FUT8: variants seen among roughly 807,000 people sequenced by gnomAD.
FUT8 encodes fucosyltransferase 8.
Under a neutral mutation model 71.3 loss-of-function variants are expected in FUT8, and 29 were observed. The observed-to-expected ratio is 0.41, with a 90% CI of 0.30 to 0.55. The LOEUF (loss-of-function observed/expected upper bound fraction) is 0.55. FUT8 is among the 20% of genes least tolerant of loss of function. The pLI, the probability that FUT8 is intolerant of heterozygous loss-of-function variation, is 0.34. For synonymous variants in FUT8, 254 were observed against 239.3 expected, an observed-to-expected ratio of 1.06 and a Z score of -0.57; for missense variants, 544 against 702.1, an observed-to-expected ratio of 0.77 and a Z score of 2.55.
intron 7 of FUT8, among the ~76,000 whole-genome samples, chr14:65,681,896 A>G (rs963174749): frequency 1.3e-5 from 2 of 152,198 alleles, no homozygotes; most frequent in Non-Finnish European, 2.9e-5. Context: ...CTGACTTCAA[A>G]ACCTGACCTT....
chr14:65,436,869 A>G (rs1292297582), intron 1 of FUT8, among the ~76,000 whole-genome samples: 2 of 152,178 alleles, frequency 1.3e-5, no homozygotes, highest in African/African-American at 4.8e-5. Flanking sequence ...TTTGAGTACT[A>G]CCAAATGATG....
intron 2 of FUT8, among the ~76,000 whole-genome samples, chr14:65,468,941 G>C (rs559695257): frequency 2.6e-5 from 4 of 151,958 alleles, no homozygotes; most frequent in African/African-American, 9.7e-5. Flanking sequence ...AGGACTACAG[G>C]TGTGTGCCAC....
chr14:65,640,292 A>G (rs1890765831), intron 6 of FUT8, among the ~76,000 whole-genome samples: 1 of 152,084 alleles, frequency 6.6e-6, no homozygotes, highest in East Asian at 1.9e-4. Context: ...TCAAGTGAAA[A>G]AGCAGATGGT....
intron 5 of FUT8, among the ~76,000 whole-genome samples, chr14:65,626,116 T>C (rs1458249792): frequency 6.6e-6 from 1 of 152,108 alleles, no homozygotes; most frequent in East Asian, 1.9e-4. Context: ...CGTGTTACTG[T>C]TACCCACATC....
intron 2 of FUT8, among the ~76,000 whole-genome samples, chr14:65,494,582 G>A (rs1240909052): frequency 1.3e-5 from 2 of 152,058 alleles, no homozygotes; most frequent in Admixed American, 6.6e-5. Flanking sequence ...GAGGGGCAAC[G>A]TATTTTTTTA....
intron 7 of FUT8, among the ~76,000 whole-genome samples, chr14:65,690,786 G>A (rs978076617): frequency 4.0e-5 from 6 of 151,234 alleles, no homozygotes; most frequent in South Asian, 2.1e-4. Context: ...GTGTAGTGGC[G>A]TGATCTTGGC....
At position 65,617,155 on chromosome 14, in the gene FUT8, C is replaced by G. The variant is rs1889330435; in HGVS notation, c.482+782C>G. On this transcript the variant is annotated intron_variant, in intron 5 of 10. Coordinates refer to ENST00000673929, the MANE Select transcript of FUT8 (RefSeq NM_001371533.1). ...AGAAAAATTGTTGTATTAGCACAACCTACTACTGTGAAGAGGAAAAGAATT... is the reference window on the plus strand; with the variant it reads ...AGAAAAATTGTTGTATTAGCACAACGTACTACTGTGAAGAGGAAAAGAATT... The G allele has an allele frequency of 6.3e-6, 10 of 1,585,128 alleles. No homozygotes were observed. The East Asian group carries it at 2.3e-4, about 36-fold the overall frequency.
At chr14:65,451,758 G>T (rs1299837855) in intron 1 of FUT8, among the ~76,000 whole-genome samples, 1 of 152,226 alleles carries the variant, frequency 6.6e-6, no homozygotes, top group African/African-American at 2.4e-5. Context: ...GCCATCTCTG[G>T]CAAGATTCTT....
chr14:65,707,335 T>C (rs2140502458), intron 7 of FUT8, among the ~76,000 whole-genome samples: 1 of 152,298 alleles, frequency 6.6e-6, no homozygotes, highest in Middle Eastern at 3.4e-3. Context: ...CCTTTGCCCA[T>C]TTTTAAATTG....
the FUT8 span, among the ~76,000 whole-genome samples, chr14:65,378,283 G>T: frequency 5.3e-5 from 8 of 152,192 alleles, no homozygotes; most frequent in Non-Finnish European, 2.9e-5. Flanking sequence ...GCTGATGTTT[G>T]TTTCAAGCAA....
chr14:65,557,252 T>C (rs773719638), intron 2 of FUT8, among the ~76,000 whole-genome samples: 4 of 151,912 alleles, frequency 2.6e-5, no homozygotes, highest in African/African-American at 7.3e-5. Flanking sequence ...CTGAAAGAAA[T>C]GAATCATTTA....
intron 7 of FUT8, among the ~76,000 whole-genome samples, chr14:65,677,163 TGCGCGCGCAC>T (rs1491411306): frequency 0.016 from 1,757 of 113,170 alleles, 20 homozygotes; most frequent in South Asian, 0.031. Flanking sequence ...CGCGCGCGCA[TGCGCGCGCAC>T]GTATGTGTGT....
At chr14:65,667,052 A>G (rs994265213) in intron 6 of FUT8, among the ~76,000 whole-genome samples, 7 of 152,192 alleles carry the variant, frequency 4.6e-5, no homozygotes, top group African/African-American at 1.4e-4. Context: ...ACAGACCCAC[A>G]GACAACATCA....
At chr14:65,565,165 T>A (rs1886124213) in intron 3 of FUT8, among the ~76,000 whole-genome samples, 1 of 151,944 alleles carries the variant, frequency 6.6e-6, no homozygotes, top group African/African-American at 2.4e-5. Context: ...CAGACTTTTT[T>A]AAACAACCTG....
At chr14:65,402,537 A>G in the FUT8 span, among the ~76,000 whole-genome samples, 10 of 152,028 alleles carry the variant, frequency 6.6e-5, no homozygotes, top group Non-Finnish European at 1.0e-4. Context: ...GCGTGGTGGC[A>G]GGCGCCTGTA....
intron 3 of FUT8, among the ~76,000 whole-genome samples, chr14:65,609,472 G>T (rs1412432028): frequency 6.6e-6 from 1 of 151,706 alleles, no homozygotes; most frequent in Non-Finnish European, 1.5e-5. Context: ...GGGTCAGAAA[G>T]GTATATTTCT....
chr14:65,402,585 A>G, the FUT8 span, among the ~76,000 whole-genome samples: 2 of 152,058 alleles, frequency 1.3e-5, no homozygotes, highest in African/African-American at 4.8e-5. Context: ...GGAGAATGGC[A>G]TGAACTAGGG....
chr14:65,509,000 G>T (rs1882158797), intron 2 of FUT8, among the ~76,000 whole-genome samples: 1 of 152,070 alleles, frequency 6.6e-6, no homozygotes, highest in South Asian at 2.1e-4. Context: ...TCATTGCCCA[G>T]ACCGATACCC....
intron 5 of FUT8, among the ~76,000 whole-genome samples, chr14:65,620,084 T>C (rs540474347): frequency 1.2e-4 from 18 of 152,204 alleles, no homozygotes; most frequent in Admixed American, 3.9e-4. Flanking sequence ...ATCTTCATAT[T>C]GCCAAATACC....
Sources: allele counts gnomAD v4.1 joint callset (sites outside exome capture counted in the v4.1 genomes callset), GRCh38; gene constraint gnomAD v4.1.1; transcripts MANE v1.5; gene names NCBI Gene and HGNC (gene_info 2026-07-23, HGNC 2026-07-21).